SAMD3: variants seen among roughly 807,000 people sequenced by gnomAD.
The protein encoded by SAMD3 is sterile alpha motif domain containing 3.
A neutral mutation model predicts 58.5 loss-of-function variants in SAMD3; 63 were observed. The ratio of observed to expected loss-of-function variants is 1.08; its 90% CI spans 0.88 to 1.33. SAMD3 has a LOEUF of 1.33. SAMD3 is among the 40% of genes most tolerant of loss of function. The pLI, the probability that SAMD3 is intolerant of heterozygous loss-of-function variation, is 0.00. For synonymous variants in SAMD3, 220 were observed against 210.3 expected, an observed-to-expected ratio of 1.05 and a Z score of -0.40; for missense variants, 604 against 608.4, an observed-to-expected ratio of 0.99 and a Z score of 0.08.
chr6:130,181,766 C>G (rs1792352101), intron 7 of SAMD3, among the ~76,000 whole-genome samples: 1 of 151,974 alleles, frequency 6.6e-6, no homozygotes, highest in Non-Finnish European at 1.5e-5. Context: ...GGGTGGGAAA[C>G]TTTTCTATTT....
At chr6:130,347,929 T>A (rs149931679) in intron 1 of SAMD3, among the ~76,000 whole-genome samples, 2,027 of 152,256 alleles carry the variant, frequency 0.013, 40 homozygotes, top group African/African-American at 0.046. Context: ...TATTCAACAT[T>A]CTTAAAGAAA....
chr6:130,234,952 G>GAAATA (rs1796642660), intron 2 of SAMD3, among the ~76,000 whole-genome samples: 1 of 152,040 alleles, frequency 6.6e-6, no homozygotes, highest in Non-Finnish European at 1.5e-5. Flanking sequence ...GTTTCTACTA[G>GAAATA]AAATAAAAAT....
intron 2 of SAMD3, among the ~76,000 whole-genome samples, chr6:130,267,334 G>A (rs1465804815): frequency 3.9e-5 from 6 of 152,118 alleles, no homozygotes; most frequent in Admixed American, 1.3e-4. Flanking sequence ...TTTGCTACCC[G>A]TACTTCTTCA....
At chr6:130,194,470 TG>T (rs1425770099) in intron 5 of SAMD3, among the ~76,000 whole-genome samples, 1 of 152,086 alleles carries the variant, frequency 6.6e-6, no homozygotes, top group Non-Finnish European at 1.5e-5. Context: ...ACCTTCAAGG[TG>T]TACAATAATA....
chr6:130,313,716 T>A (rs532853430), intron 1 of SAMD3, among the ~76,000 whole-genome samples: 2 of 152,186 alleles, frequency 1.3e-5, no homozygotes, highest in Admixed American at 6.5e-5. Flanking sequence ...GGGGTGTAAC[T>A]GAGCTTCACA....
chr6:130,205,941 G>T (rs1795047844), intron 5 of SAMD3, among the ~76,000 whole-genome samples: 2 of 152,268 alleles, frequency 1.3e-5, no homozygotes, highest in Admixed American at 1.3e-4. Context: ...TGACTGAATA[G>T]TGCCCTAGGC....
chr6:130,185,106 A>G (rs948539015), intron 5 of SAMD3, among the ~76,000 whole-genome samples: 3 of 152,186 alleles, frequency 2.0e-5, no homozygotes, highest in African/African-American at 7.2e-5. Flanking sequence ...GTCTTTGCCT[A>G]TTTTGATAAG....
chr6:130,184,364 A>T (rs777475899), intron 6 of SAMD3, 74 bp downstream of exon 6: 17 of 1,437,380 alleles, frequency 1.2e-5, no homozygotes, highest in Non-Finnish European at 1.4e-5. Flanking sequence ...AAGAGAGTTG[A>T]TTCCACAGGA....
chr6:130,212,365 C>T (rs1795649607), intron 4 of SAMD3, among the ~76,000 whole-genome samples: 1 of 152,162 alleles, frequency 6.6e-6, no homozygotes, highest in African/African-American at 2.4e-5. Context: ...GGTGAGTCAG[C>T]TGCTTATGGG....
chr6:130,252,379 A>AT (rs5880012), intron 2 of SAMD3, among the ~76,000 whole-genome samples: 13 of 151,492 alleles, frequency 8.6e-5, no homozygotes, highest in African/African-American at 3.2e-4. Flanking sequence ...TTTACATCTC[A>AT]TTTTTTTTCT....
upstream of SAMD3, among the ~76,000 whole-genome samples, chr6:130,226,076 C>T (rs575518223): frequency 2.0e-5 from 3 of 152,302 alleles, no homozygotes; most frequent in South Asian, 2.1e-4. Flanking sequence ...TTCAGGACAG[C>T]GCCGCTTTTC....
chr6:130,158,353 G>A (rs2114602916), intron 8 of SAMD3, among the ~76,000 whole-genome samples: 2 of 152,240 alleles, frequency 1.3e-5, no homozygotes, highest in Admixed American at 1.3e-4. Context: ...TGCAGGGATA[G>A]ATGACTTTAC....
At chr6:130,294,553 T>A (rs1229490680) in intron 2 of SAMD3, among the ~76,000 whole-genome samples, 2 of 152,174 alleles carry the variant, frequency 1.3e-5, no homozygotes, top group Non-Finnish European at 2.9e-5. Flanking sequence ...CTGAAAAAGA[T>A]CTTAATCATT....
chr6:130,144,306 C>G, downstream of SAMD3: 1 of 523,512 alleles, frequency 1.9e-6, no homozygotes. Context: ...CAAAATAAAT[C>G]GACAGCTCTT....
At chr6:130,189,169 T>A (rs941958824) in intron 5 of SAMD3, among the ~76,000 whole-genome samples, 1 of 151,826 alleles carries the variant, frequency 6.6e-6, no homozygotes, top group Non-Finnish European at 1.5e-5. Context: ...ATTGTGTTCC[T>A]TTCAAATTCT....
chr6:130,361,491 C>T (rs1186191327), intron 1 of SAMD3, among the ~76,000 whole-genome samples: 2 of 152,180 alleles, frequency 1.3e-5, no homozygotes, highest in African/African-American at 4.8e-5. Context: ...TATGTGTGTA[C>T]AGTCTGTTGG....
intron 1 of SAMD3, among the ~76,000 whole-genome samples, chr6:130,333,623 T>C (rs1284317960): frequency 6.6e-6 from 1 of 152,220 alleles, no homozygotes; most frequent in Middle Eastern, 3.2e-3. Flanking sequence ...CCTTTAAAAT[T>C]AAACCTTGAA....
intron 8 of SAMD3, among the ~76,000 whole-genome samples, chr6:130,155,488 T>C (rs947616133): frequency 1.3e-5 from 2 of 152,256 alleles, no homozygotes; most frequent in Non-Finnish European, 2.9e-5. Flanking sequence ...ACAGTGGTTA[T>C]TTTCTGATGC....
chr6:130,269,593 GTCTTCTC>G (rs1320937330), intron 2 of SAMD3, among the ~76,000 whole-genome samples: 1 of 151,904 alleles, frequency 6.6e-6, no homozygotes, highest in Non-Finnish European at 1.5e-5. Flanking sequence ...GGTAATATGT[GTCTTCTC>G]TCTTTTTCTT....
Sources: allele counts gnomAD v4.1 joint callset (sites outside exome capture counted in the v4.1 genomes callset), GRCh38; gene constraint gnomAD v4.1.1; transcripts MANE v1.5; gene names NCBI Gene and HGNC (gene_info 2026-07-23, HGNC 2026-07-21).